The following NPAS3 variants were observed in gnomAD, a reference collection of about 807,000 sequenced individuals.
NPAS3 encodes the protein neuronal PAS domain protein 3.
A neutral mutation model predicts 73.1 loss-of-function variants in NPAS3; 14 were observed. That is an observed-to-expected ratio of 0.19 (90% CI 0.13 to 0.30). The LOEUF is 0.30. Ranked by LOEUF, NPAS3 falls within the 10% of genes least tolerant of loss-of-function variation. The pLI, the probability that NPAS3 is intolerant of heterozygous loss-of-function variation, is 1.00. For synonymous variants in NPAS3, 620 were observed against 541.5 expected, an observed-to-expected ratio of 1.14 and a Z score of -2.01; for missense variants, 1,096 against 1,250.0, an observed-to-expected ratio of 0.88 and a Z score of 1.86.
At chr14:33,099,393 A>G (rs566186652) in intron 2 of NPAS3, among the ~76,000 whole-genome samples, 1 of 152,326 alleles carries the variant, frequency 6.6e-6, no homozygotes, top group Non-Finnish European at 1.5e-5. Flanking sequence ...CAGGAGGCCC[A>G]AGGACTAGAG....
At chr14:33,697,866 G>T (rs2060427450) in intron 6 of NPAS3, among the ~76,000 whole-genome samples, 2 of 152,184 alleles carry the variant, frequency 1.3e-5, no homozygotes, top group Admixed American at 6.5e-5. Flanking sequence ...CCTAGCATAG[G>T]CAGGGTTATT....
At chr14:33,720,596 G>C (rs2061080569) in intron 6 of NPAS3, among the ~76,000 whole-genome samples, 1 of 152,168 alleles carries the variant, frequency 6.6e-6, no homozygotes, top group African/African-American at 2.4e-5. Context: ...TACATCAGCA[G>C]GACTGTGGCT....
intron 9 of NPAS3, among the ~76,000 whole-genome samples, chr14:33,791,409 T>C (rs761295220): frequency 2.6e-5 from 4 of 152,226 alleles, no homozygotes; most frequent in Non-Finnish European, 5.9e-5. Flanking sequence ...TGTATTATTA[T>C]ATTCATGGGC....
chr14:33,731,465 C>CT (rs2061400610), intron 6 of NPAS3, among the ~76,000 whole-genome samples: 1 of 150,798 alleles, frequency 6.6e-6, no homozygotes, highest in African/African-American at 2.4e-5. Context: ...AAAAAAGGCC[C>CT]TTTTTAAAGG....
At chr14:33,391,515 C>T (rs2138609564) in intron 4 of NPAS3, among the ~76,000 whole-genome samples, 1 of 152,190 alleles carries the variant, frequency 6.6e-6, no homozygotes, top group South Asian at 2.1e-4. Context: ...TAATTCACTA[C>T]CAACGTTACT....
chr14:33,692,862 A>G (rs2060271693), intron 6 of NPAS3, among the ~76,000 whole-genome samples: 1 of 98,694 alleles, frequency 1.0e-5, no homozygotes, highest in African/African-American at 4.4e-5. Flanking sequence ...AAAAAAAAAA[A>G]AGCCTTGAGT....
At chr14:33,796,020 A>G (rs1198179797) in intron 10 of NPAS3, among the ~76,000 whole-genome samples, 1 of 152,236 alleles carries the variant, frequency 6.6e-6, no homozygotes, top group Non-Finnish European at 1.5e-5. Context: ...AGACTAAGGT[A>G]GATGGGCTTT....
intron 5 of NPAS3, among the ~76,000 whole-genome samples, chr14:33,644,236 G>C (rs543836016): frequency 6.6e-6 from 1 of 152,260 alleles, no homozygotes; most frequent in African/African-American, 2.4e-5. Context: ...CTTGAATATT[G>C]ACTAAAATCT....
At chr14:33,721,087 A>G (rs986077267) in intron 6 of NPAS3, among the ~76,000 whole-genome samples, 1 of 152,354 alleles carries the variant, frequency 6.6e-6, no homozygotes, top group East Asian at 1.9e-4. Flanking sequence ...TTTTGAACTT[A>G]CATGCGTCTC....
At position 33,735,547 on chromosome 14, in the gene NPAS3, A is replaced by G. The variant is rs546047375; in HGVS notation, c.852+215A>G. Among the ~76,000 whole-genome samples the G allele has an allele frequency of 5.3e-5, 8 of 152,218 alleles. No homozygotes were observed. The South Asian group carries it at 1.7e-3, about 32-fold the overall frequency. ...GCTGGTGCACTAAAAACCCCAATAT[A>G]GTGTCTTTTCTTAACACATTGATTA... is the stretch of plus-strand genomic sequence containing the variant. On this transcript the variant is annotated intron_variant, in intron 7 of 11. Coordinates refer to ENST00000356141, the Ensembl canonical transcript of NPAS3.
chr14:33,725,093 G>A (rs1397745599), intron 6 of NPAS3, among the ~76,000 whole-genome samples: 1 of 152,000 alleles, frequency 6.6e-6, no homozygotes, highest in Non-Finnish European at 1.5e-5. Context: ...TGCAGCCAAG[G>A]CCCCTAGAAC....
At chr14:33,050,299 T>C (rs2040658981) in intron 1 of NPAS3, among the ~76,000 whole-genome samples, 1 of 152,216 alleles carries the variant, frequency 6.6e-6, no homozygotes, top group Non-Finnish European at 1.5e-5. Context: ...TATTTTCTTA[T>C]GTCTTCAACC....
intron 1 of NPAS3, among the ~76,000 whole-genome samples, chr14:32,995,684 T>C (rs1595178570): frequency 6.6e-6 from 1 of 152,246 alleles, no homozygotes; most frequent in Non-Finnish European, 1.5e-5. Flanking sequence ...ACAGGCTTTC[T>C]CTTTTCCTGC....
chr14:33,240,041 C>G (rs1842795781), intron 3 of NPAS3, among the ~76,000 whole-genome samples: 1 of 151,778 alleles, frequency 6.6e-6, no homozygotes, highest in South Asian at 2.1e-4. Flanking sequence ...ATAGCCTATT[C>G]CACTTTACTA....
In NPAS3 at chr14:33,046,847, A is replaced by G. The variant is rs150804824; in HGVS notation, c.51-9058A>G. ...AAAAATTAGCCAGGCATGGTGGCAC[A>G]TGGCTGTGATCTCAGCTACTAGAGG... is the stretch of plus-strand genomic sequence containing the variant. On this transcript the variant is annotated intron_variant, in intron 1 of 11. Coordinates refer to ENST00000356141, the Ensembl canonical transcript of NPAS3. 1.8e-4 allele frequency among the ~76,000 whole-genome samples: 28 copies of G among 152,274 alleles called. No individual in the cohort carries two copies. In the East Asian group the frequency reaches 5.4e-3, roughly 30 times the overall value.
chr14:33,309,996 G>T (rs1322046324), intron 3 of NPAS3, among the ~76,000 whole-genome samples: 1 of 152,088 alleles, frequency 6.6e-6, no homozygotes, highest in Non-Finnish European at 1.5e-5. Context: ...CATACCGTTG[G>T]TATGATCCAG....
chr14:33,498,935 AGTGTGTGTGTGTGTGTGTGTGTGTGT>A (rs3058422), intron 4 of NPAS3, among the ~76,000 whole-genome samples: 3 of 94,902 alleles, frequency 3.2e-5, no homozygotes, highest in South Asian at 4.2e-4. Flanking sequence ...ACAGAGAGAG[AGTGTGTGTGTGTGTGTGTGTGTGTGT>A]GTGTGTGTGT....
At chr14:33,074,965 A>C (rs2041609411) in intron 2 of NPAS3, among the ~76,000 whole-genome samples, 1 of 152,184 alleles carries the variant, frequency 6.6e-6, no homozygotes, top group Non-Finnish European at 1.5e-5. Flanking sequence ...TTTAGTCATC[A>C]TTTCCTTAGA....
At chr14:33,662,193 C>T (rs375025336) in intron 5 of NPAS3, among the ~76,000 whole-genome samples, 8 of 152,152 alleles carry the variant, frequency 5.3e-5, no homozygotes, top group South Asian at 2.1e-4. Context: ...CATGGAAATG[C>T]GCAGCTAGAC....
Sources: gnomAD v4.1 joint callset for allele counts (sites outside exome capture counted in the v4.1 genomes callset) on GRCh38, gnomAD v4.1.1 for gene constraint, MANE v1.5 for transcripts, NCBI Gene and HGNC (gene_info 2026-07-23, HGNC 2026-07-21) for gene names.